The following DTNA variants were observed in gnomAD, a reference collection of about 807,000 sequenced individuals.
DTNA encodes dystrobrevin alpha, also known as dystrophin-related protein 3.
Under a neutral mutation model 100.7 loss-of-function variants are expected in DTNA, and 43 were observed. The ratio of observed to expected loss-of-function variants is 0.43; its 90% CI spans 0.33 to 0.55. The LOEUF is 0.55. Among genes scored for constraint, DTNA ranks in the 20% least tolerant of loss-of-function variants. The probability of loss-of-function intolerance (pLI) is 0.04; values close to 1 mark genes in which losing one functional copy is unlikely to be tolerated. For synonymous variants in DTNA, 349 were observed against 347.9 expected, an observed-to-expected ratio of 1.00 and a Z score of -0.04; for missense variants, 798 against 953.9, an observed-to-expected ratio of 0.84 and a Z score of 2.15.
chr18:34,703,304 G>A (rs2081642805), intron 1 of DTNA, among the ~76,000 whole-genome samples: 1 of 152,154 alleles, frequency 6.6e-6, no homozygotes, highest in Non-Finnish European at 1.5e-5. Context: ...TTCCTAACTT[G>A]TATACTTATA....
chr18:34,660,310 C>A (rs76606307), intron 1 of DTNA, among the ~76,000 whole-genome samples: 308 of 151,818 alleles, frequency 2.0e-3, no homozygotes, highest in African/African-American at 6.9e-3. Flanking sequence ...AGACATCCTC[C>A]CTTTGGAATT....
At chr18:34,657,176 C>T (rs765675983) in intron 1 of DTNA, among the ~76,000 whole-genome samples, 2 of 152,154 alleles carry the variant, frequency 1.3e-5, no homozygotes, top group Non-Finnish European at 2.9e-5. Flanking sequence ...GCACCTGGTC[C>T]TATTTGTAAA....
At chr18:34,687,027 C>T (rs2079002478) in intron 1 of DTNA, among the ~76,000 whole-genome samples, 1 of 152,002 alleles carries the variant, frequency 6.6e-6, no homozygotes, top group Non-Finnish European at 1.5e-5. Flanking sequence ...TTTGATTCTT[C>T]TCTCTTTTCC....
chr18:34,838,018 T>C (rs2096188697), intron 11 of DTNA, 76 bp from the exon 12 acceptor site: 8 of 1,265,358 alleles, frequency 6.3e-6, no homozygotes, highest in Non-Finnish European at 8.0e-6. Context: ...GACTTGGGAG[T>C]GTCTGTTGCC....
chr18:34,852,428 C>T (rs111768518), intron 15 of DTNA, among the ~76,000 whole-genome samples: 2,067 of 152,250 alleles, frequency 0.014, 30 homozygotes, highest in African/African-American at 0.048. Flanking sequence ...TTCCTCTATT[C>T]AACACAGATT....
intron 1 of DTNA, among the ~76,000 whole-genome samples, chr18:34,552,187 T>C (rs1043532507): frequency 6.6e-6 from 1 of 152,128 alleles, no homozygotes; most frequent in South Asian, 2.1e-4. Context: ...TTTCATAGTC[T>C]ATATGAACAG....
At chr18:34,509,321 C>T (rs2040804016) in intron 1 of DTNA, among the ~76,000 whole-genome samples, 1 of 152,050 alleles carries the variant, frequency 6.6e-6, no homozygotes, top group African/African-American at 2.4e-5. Context: ...ACTTGGTTGA[C>T]ATTTTTTAAA....
intron 1 of DTNA, among the ~76,000 whole-genome samples, chr18:34,611,128 G>T (rs1209926388): frequency 6.6e-6 from 1 of 152,048 alleles, no homozygotes; most frequent in African/African-American, 2.4e-5. Context: ...TACAACATAT[G>T]CTCAGAAAAA....
chr18:34,867,623 C>CAG, intron 17 of DTNA: 1 of 1,001,132 alleles, frequency 1.0e-6, no homozygotes. Context: ...CTCCTCCTAG[C>CAG]AGAGAGAGAG....
intron 4 of DTNA, among the ~76,000 whole-genome samples, chr18:34,802,795 T>C (rs1054212901): frequency 4.6e-5 from 7 of 152,202 alleles, no homozygotes; most frequent in Non-Finnish European, 2.9e-5. Context: ...AATTTGAAAT[T>C]AGGGTAACTA....
intron 3 of DTNA, among the ~76,000 whole-genome samples, chr18:34,789,535 C>T (rs2094627172): frequency 1.3e-5 from 2 of 152,142 alleles, no homozygotes; most frequent in Admixed American, 6.5e-5. Context: ...TTCTGATCAC[C>T]CGTTTGTGTG....
rs77320474 is a variant in DTNA, at chr18:34,851,834, C to A, written c.1438C>A (p.Pro480Thr). The change falls in exon 15 of 23, where the codon CCA (proline) becomes ACA (threonine). Residue 480 changes from proline to threonine, a missense_variant. By Grantham distance (38) the Pro-to-Thr change is conservative. Around this residue, in one of 6 missense-constraint regions of DTNA, gnomAD observed 159 missense variants for 201.2 expected, o/e 0.79. Transcript: ENST00000444659. ...RLAAESSSSQ[P>T]PQQRSAPDIS... ...TTATAAACTACATATTTTACAGCAG[C>A]CACCTCAGCAGAGAAGTGCTCCTGA... 1.0e-3 allele frequency: 1,617 copies of A among 1,613,964 alleles called. 14 individuals are homozygous for A. In the African/African-American group the frequency reaches 0.019, roughly 19 times the overall value.
intron 2 of DTNA, among the ~76,000 whole-genome samples, chr18:34,762,886 G>A (rs1433727141): frequency 6.6e-6 from 1 of 152,184 alleles, no homozygotes; most frequent in East Asian, 1.9e-4. Flanking sequence ...CGACAGGAGA[G>A]AGCAGTCAGT....
chr18:34,604,146 C>T lies in DTNA; in HGVS notation c.-2+110632C>T, dbSNP rs186272706. Among the ~76,000 whole-genome samples, 198 of 152,242 alleles carry T rather than the reference C, an allele frequency of 1.3e-3. 3 individuals carry two copies. The highest frequency in any genetic ancestry group is 0.013 in the Admixed American group (195 of 15,288). ...GAAAATCCTAGATATAAGGTTCACC[C>T]ATAAATATTAAGGTGGCTTAGGCGT... On this transcript the variant is annotated intron_variant, in intron 1 of 19. Transcript: ENST00000283365.
intron 15 of DTNA, among the ~76,000 whole-genome samples, chr18:34,854,641 G>A (rs993130025): frequency 4.6e-5 from 7 of 152,090 alleles, no homozygotes; most frequent in Admixed American, 6.5e-5. Flanking sequence ...CCGTTCATTC[G>A]GACTTTCTAC....
At chr18:34,826,879 A>T (rs2095870510) in intron 9 of DTNA, among the ~76,000 whole-genome samples, 2 of 152,196 alleles carry the variant, frequency 1.3e-5, no homozygotes, top group Non-Finnish European at 2.9e-5. Flanking sequence ...TGAAAATCAG[A>T]TGAAGGAAGA....
chr18:34,567,379 T>C (rs1445533705), intron 1 of DTNA, among the ~76,000 whole-genome samples: 1 of 152,210 alleles, frequency 6.6e-6, no homozygotes, highest in Non-Finnish European at 1.5e-5. Flanking sequence ...TAAATGATGT[T>C]ATTTAAAAAT....
At chr18:34,659,754 C>T (rs2074923360) in intron 1 of DTNA, among the ~76,000 whole-genome samples, 1 of 152,134 alleles carries the variant, frequency 6.6e-6, no homozygotes, top group African/African-American at 2.4e-5. Flanking sequence ...TCTGAAGGAG[C>T]ATGTGAGCCT....
chr18:34,686,645 G>T (rs569556897), intron 1 of DTNA, among the ~76,000 whole-genome samples: 1 of 152,192 alleles, frequency 6.6e-6, no homozygotes, highest in African/African-American at 2.4e-5. Flanking sequence ...GGATGATGCT[G>T]GCCTCATGAA....
Sources: gnomAD v4.1 joint callset for allele counts (sites outside exome capture counted in the v4.1 genomes callset) on GRCh38, gnomAD v4.1.1 for gene constraint, gnomAD v4.1.1 regional missense constraint, MANE v1.5 for transcripts, NCBI Gene and HGNC (gene_info 2026-07-23, HGNC 2026-07-21) for gene names.